DCDC1: variants seen among roughly 807,000 people sequenced by gnomAD.
The protein encoded by DCDC1 is doublecortin domain containing 1, also known as doublecortin domain-containing protein 1.
Under a neutral mutation model 178.3 loss-of-function variants are expected in DCDC1, and 200 were observed. The observed-to-expected ratio is 1.12, with a 90% confidence interval of 1.00 to 1.26. The LOEUF is 1.26. DCDC1 is among the 50% of genes most tolerant of loss of function. The pLI, the probability that DCDC1 is intolerant of heterozygous loss-of-function variation, is 0.00. For missense variants in DCDC1, 1,983 were observed against 1,749.2 expected (o/e 1.13, Z -2.38); for synonymous variants, 690 against 604.8 (o/e 1.14, Z -2.07).
chr11:31,106,072 C>T (rs1958823432), intron 13 of DCDC1, among the ~76,000 whole-genome samples: 1 of 152,124 alleles, frequency 6.6e-6, no homozygotes. Flanking sequence ...AAACAACAGC[C>T]CAGCTCATCA....
chr11:31,035,767 C>A (rs1953984988), intron 20 of DCDC1, among the ~76,000 whole-genome samples: 1 of 152,212 alleles, frequency 6.6e-6, no homozygotes, highest in South Asian at 2.1e-4. Flanking sequence ...ACTGATGGAT[C>A]TTGCTTACAG....
chr11:30,906,053 TA>T (rs1234022627), intron 30 of DCDC1, among the ~76,000 whole-genome samples: 1 of 152,144 alleles, frequency 6.6e-6, no homozygotes, highest in Non-Finnish European at 1.5e-5. Flanking sequence ...AGGAAAGCGG[TA>T]AGAGTTTTTT....
At chr11:31,296,554 T>G (rs1214497375) in intron 6 of DCDC1, among the ~76,000 whole-genome samples, 2 of 152,200 alleles carry the variant, frequency 1.3e-5, no homozygotes, top group Non-Finnish European at 2.9e-5. Flanking sequence ...GCTTCATTTT[T>G]GGGTATCTTT....
chr11:31,332,899 C>T (rs757937271), intron 2 of DCDC1, among the ~76,000 whole-genome samples: 1 of 152,086 alleles, frequency 6.6e-6, no homozygotes, highest in African/African-American at 2.4e-5. Context: ...TATTAGGTCT[C>T]CTTGGTGCAG....
intron 10 of DCDC1, among the ~76,000 whole-genome samples, chr11:31,135,059 G>GT (rs1208929692): frequency 6.6e-6 from 1 of 152,106 alleles, no homozygotes; most frequent in Non-Finnish European, 1.5e-5. Context: ...CCTCAAAGTG[G>GT]TTTTACGATG....
intron 10 of DCDC1, 40 bp downstream of exon 10, chr11:31,137,652 T>C (rs542405391): frequency 2.9e-6 from 2 of 698,998 alleles, no homozygotes; most frequent in East Asian, 2.7e-5. Context: ...CTGGCCCTCA[T>C]TGCAGTTTTA....
At chr11:30,906,394 C>A in intron 30 of DCDC1, 146 bp downstream of exon 30, 1 of 778,758 alleles carries the variant, frequency 1.3e-6, no homozygotes, top group Non-Finnish European at 2.0e-6. Flanking sequence ...AAAAGGAAAT[C>A]AATGCAGGTA....
At chr11:31,018,773 C>T (rs1056237733) in intron 20 of DCDC1, among the ~76,000 whole-genome samples, 2 of 152,072 alleles carry the variant, frequency 1.3e-5, no homozygotes, top group Non-Finnish European at 2.9e-5. Context: ...TGACTTTTTC[C>T]ACATCCTGAC....
intron 3 of DCDC1, among the ~76,000 whole-genome samples, chr11:31,313,884 G>A (rs1214931502): frequency 6.6e-6 from 1 of 152,070 alleles, no homozygotes; most frequent in Admixed American, 6.6e-5. Flanking sequence ...TAACATTCTG[G>A]AACCTGGGCT....
intron 20 of DCDC1, among the ~76,000 whole-genome samples, chr11:30,975,325 C>G (rs7930606): frequency 1.3e-5 from 2 of 151,700 alleles, no homozygotes; most frequent in African/African-American, 4.8e-5. Context: ...AAGGATACCC[C>G]ACTCTCACCA....
intron 3 of DCDC1, among the ~76,000 whole-genome samples, chr11:31,324,825 T>C (rs1949561916): frequency 6.6e-6 from 1 of 152,178 alleles, no homozygotes; most frequent in Non-Finnish European, 1.5e-5. Context: ...TAAATAGTGA[T>C]TGAATAGATT....
intron 9 of DCDC1, among the ~76,000 whole-genome samples, chr11:31,194,283 G>A (rs1459662594): frequency 6.6e-6 from 1 of 152,016 alleles, no homozygotes; most frequent in African/African-American, 2.4e-5. Flanking sequence ...GGGATTCACT[G>A]ACCTCAAATT....
At chr11:31,231,300 A>C (rs991889641) in intron 9 of DCDC1, among the ~76,000 whole-genome samples, 1 of 152,020 alleles carries the variant, frequency 6.6e-6, no homozygotes, top group Non-Finnish European at 1.5e-5. Flanking sequence ...CTTCTTCCTT[A>C]ACAGAAATAC....
intron 9 of DCDC1, among the ~76,000 whole-genome samples, chr11:31,173,969 T>G (rs1967627423): frequency 6.6e-6 from 1 of 152,144 alleles, no homozygotes; most frequent in Non-Finnish European, 1.5e-5. Context: ...TGGCTGGGGT[T>G]GCCCACTCCA....
rs1003875629 is a variant in DCDC1 at position 31,328,347 on chromosome 11, G to C, written c.-6-61C>G. On this transcript the variant is annotated intron_variant, in intron 2 of 38. Coordinates refer to ENST00000684477, the MANE Select transcript of DCDC1 (RefSeq NM_001387274.1). ...GTAAAATCCTACTAGATTACAAATAGAGGCTGGGCATTAAACACAACTTAC... is the reference window on the plus strand; with the variant it reads ...GTAAAATCCTACTAGATTACAAATACAGGCTGGGCATTAAACACAACTTAC... 23 of 1,464,774 alleles carry C rather than the reference G, an allele frequency of 1.6e-5. No individual in the cohort carries two copies. The Admixed American group carries it at 4.7e-4, about 30-fold the overall frequency. The allele number at this position is 1,464,774 out of a possible 1,614,324, so 90.7% of individuals were successfully genotyped here.
intron 21 of DCDC1, among the ~76,000 whole-genome samples, chr11:30,949,887 G>A (rs1023352558): frequency 1.3e-5 from 2 of 152,226 alleles, no homozygotes; most frequent in East Asian, 3.9e-4. Context: ...ATAGCATTAG[G>A]AGAAATACCT....
intron 9 of DCDC1, among the ~76,000 whole-genome samples, chr11:31,141,911 CA>C (rs1220441503): frequency 6.6e-6 from 1 of 152,162 alleles, no homozygotes; most frequent in African/African-American, 2.4e-5. Context: ...CTGTGGGAGT[CA>C]GAGTTAGTTA....
At chr11:31,329,547 C>G (rs1325264789) in intron 2 of DCDC1, among the ~76,000 whole-genome samples, 1 of 152,084 alleles carries the variant, frequency 6.6e-6, no homozygotes, top group Non-Finnish European at 1.5e-5. Context: ...TCCCTCCAGC[C>G]CTGCCCCCCA....
intron 11 of DCDC1, among the ~76,000 whole-genome samples, chr11:31,126,634 A>G (rs945164669): frequency 6.6e-6 from 1 of 152,204 alleles, no homozygotes; most frequent in Non-Finnish European, 1.5e-5. Flanking sequence ...TACCCATAAA[A>G]ATAATCAAAA....
Sources: gnomAD v4.1 joint callset for allele counts (sites outside exome capture counted in the v4.1 genomes callset) on GRCh38, gnomAD v4.1.1 for gene constraint, MANE v1.5 for transcripts, NCBI Gene and HGNC (gene_info 2026-07-23, HGNC 2026-07-21) for gene names.